Variants in EPB41 observed in about 807,000 individuals in gnomAD.
EPB41 encodes erythrocyte membrane protein band 4.1.
A neutral mutation model predicts 108.0 loss-of-function variants in EPB41; 65 were observed. The observed-to-expected ratio is 0.60, with a 90% CI of 0.49 to 0.74. The LOEUF (loss-of-function observed/expected upper bound fraction) is 0.74. Ranked by LOEUF, EPB41 falls within the 30% of genes least tolerant of loss-of-function variation. The pLI is 0.00. For missense variants in EPB41, 875 were observed against 1,037.0 expected (o/e 0.84, Z 2.15); for synonymous variants, 336 against 358.9 (o/e 0.94, Z 0.72).
intron 16 of EPB41, 68 bp from the exon 17 acceptor site, chr1:29,097,739 G>T: frequency 6.4e-7 from 1 of 1,552,710 alleles, no homozygotes; most frequent in Non-Finnish European, 8.9e-7. Flanking sequence ...GATCAGATCA[G>T]TGTCAGAAGA....
rs2096608999 is a variant in EPB41, at chr1:29,018,866, G to A, written c.1124+424G>A. Among the ~76,000 whole-genome samples the A allele has an allele frequency of 1.3e-5, 2 of 152,092 alleles. No homozygotes were observed. Among genetic ancestry groups the A allele is most frequent in the Non-Finnish European group, 2.9e-5 (2 of 68,024 alleles). ...TTTCAGAGGGCCCGTGAAACTCTTG[G>A]AAGTATTTTTAAAAGTCTTTATTAA... On this transcript the variant is annotated intron_variant, in intron 7 of 20. Coordinates refer to ENST00000343067, the MANE Select transcript of EPB41 (RefSeq NM_001376013.1). The surrounding 1 kb of genome is among the most constrained non-coding windows in gnomAD (Gnocchi z 4.4).
chr1:29,063,589 A>T (rs1013602169), intron 15 of EPB41, among the ~76,000 whole-genome samples: 2 of 152,192 alleles, frequency 1.3e-5, no homozygotes, highest in African/African-American at 4.8e-5. Flanking sequence ...TTTTAAGCAA[A>T]ATTTTATTTA....
intron 1 of EPB41, among the ~76,000 whole-genome samples, chr1:28,967,220 A>G (rs553052766): frequency 1.3e-4 from 19 of 151,980 alleles, no homozygotes; most frequent in Admixed American, 7.2e-4. Context: ...GGGTTTCACC[A>G]TGTTAACCAG....
intron 1 of EPB41, among the ~76,000 whole-genome samples, chr1:28,964,583 A>G (rs186145973): frequency 1.3e-5 from 2 of 152,306 alleles, no homozygotes; most frequent in Admixed American, 1.3e-4. Context: ...CCTGGGCAAC[A>G]GAGTGAGAGT....
At chr1:28,917,395 C>G (rs185768) in intron 1 of EPB41, among the ~76,000 whole-genome samples, 47,561 of 151,910 alleles carry the variant, frequency 0.31, 8,969 homozygotes, top group East Asian at 0.85. Context: ...ATTCTCCTGG[C>G]TCAGGCTCCC....
At chr1:29,062,973 G>A (rs983402503) in intron 15 of EPB41, among the ~76,000 whole-genome samples, 3 of 152,184 alleles carry the variant, frequency 2.0e-5, no homozygotes, top group Non-Finnish European at 4.4e-5. Flanking sequence ...GGCAAGAAGA[G>A]TAGCAAATTA....
At chr1:29,107,460 G>C (rs1395186000) in intron 17 of EPB41, among the ~76,000 whole-genome samples, 1 of 152,120 alleles carries the variant, frequency 6.6e-6, no homozygotes, top group Non-Finnish European at 1.5e-5. Context: ...GCATAATTGA[G>C]ACAACAGTTG....
chr1:29,051,223 C>T (rs377508604), intron 11 of EPB41, among the ~76,000 whole-genome samples: 59 of 149,222 alleles, frequency 4.0e-4, no homozygotes, highest in Admixed American at 5.4e-4. Context: ...CTCAGCCTCC[C>T]GAGTAGCTAT....
intron 1 of EPB41, among the ~76,000 whole-genome samples, chr1:28,935,469 C>CACA (rs1234434094): frequency 0.011 from 484 of 42,294 alleles, 45 homozygotes; most frequent in East Asian, 0.024. Flanking sequence ...ACACACACAC[C>CACA]CCCCCCCCCC....
chr1:29,031,545 G>C (rs2096789284), intron 8 of EPB41, among the ~76,000 whole-genome samples: 1 of 152,138 alleles, frequency 6.6e-6, no homozygotes, highest in Non-Finnish European at 1.5e-5. Context: ...CTAGGAACTT[G>C]TTAGAAATGC....
intron 1 of EPB41, among the ~76,000 whole-genome samples, chr1:28,923,113 T>C (rs1208831455): frequency 7.3e-6 from 1 of 137,830 alleles, no homozygotes. Flanking sequence ...TTTCTTTTCT[T>C]TTTTTTTTTT....
chr1:28,985,304 C>T (rs2095849379), intron 1 of EPB41, among the ~76,000 whole-genome samples: 1 of 147,982 alleles, frequency 6.8e-6, no homozygotes, highest in Non-Finnish European at 1.5e-5. Flanking sequence ...AGGTACTGTT[C>T]TAGGCATTGG....
At chr1:29,060,326 A>T in intron 14 of EPB41, 96 bp from the exon 15 acceptor site, 2 of 1,054,614 alleles carry the variant, frequency 1.9e-6, no homozygotes, top group Non-Finnish European at 2.9e-6. Context: ...ATTTATTTTT[A>T]AATATTTTTT....
chr1:29,058,800 T>G lies in EPB41; in HGVS notation c.1903-11T>G. 1.9e-6 allele frequency: 3 copies of G among 1,544,184 alleles called. No homozygotes were observed. Among genetic ancestry groups the G allele is most frequent in the Non-Finnish European group, 2.6e-6 (3 of 1,144,680 alleles). ...TCATTTTTCTTTCTTTTTTAAATTA[T>G]GGCAAAACAGAAGCTTGCAGAAAAA... On this transcript the variant is annotated splice_polypyrimidine_tract_variant and intron_variant, in intron 13 of 20. Transcript: ENST00000343067.
intron 11 of EPB41, among the ~76,000 whole-genome samples, chr1:29,041,760 CA>C (rs1183836583): frequency 6.6e-6 from 1 of 152,112 alleles, no homozygotes; most frequent in East Asian, 1.9e-4. Context: ...TGGAATCAGA[CA>C]GACCTGATTC....
rs570340862 is a variant in EPB41, at chr1:29,007,095, T to C, written c.787-4770T>C. Among the ~76,000 whole-genome samples the C allele has an allele frequency of 7.4e-5, 11 of 148,768 alleles. No homozygotes were observed. The East Asian group carries it at 1.7e-3, about 23-fold the overall frequency. On this transcript the variant is annotated intron_variant, in intron 4 of 20. Transcript: ENST00000343067. ...TAGCAATAGTTCATTCTCATTACTG[T>C]ATAATTTTTTTTTTTGAGACAGGGT...
intron 1 of EPB41, among the ~76,000 whole-genome samples, chr1:28,923,170 T>C (rs2093234172): frequency 7.1e-6 from 1 of 141,258 alleles, no homozygotes; most frequent in South Asian, 2.3e-4. Context: ...TGGAGTGCAG[T>C]GATGGGATCT....
At chr1:28,897,385 CA>C (rs2090778538) in intron 1 of EPB41, among the ~76,000 whole-genome samples, 1 of 151,550 alleles carries the variant, frequency 6.6e-6, no homozygotes, top group Non-Finnish European at 1.5e-5. Context: ...CCCATCTCTA[CA>C]AAAAAATACA....
intron 1 of EPB41, among the ~76,000 whole-genome samples, chr1:28,921,268 T>G (rs2093047524): frequency 6.6e-6 from 1 of 152,216 alleles, no homozygotes; most frequent in Non-Finnish European, 1.5e-5. Flanking sequence ...ATGGCATATC[T>G]TTAAACCTAT....
Sources: gnomAD v4.1 joint callset for allele counts (sites outside exome capture counted in the v4.1 genomes callset) on GRCh38, gnomAD v4.1.1 for gene constraint, Gnocchi (gnomAD v3.1) non-coding constraint, MANE v1.5 for transcripts, NCBI Gene and HGNC (gene_info 2026-07-23, HGNC 2026-07-21) for gene names.